ABCC4: variants seen among roughly 807,000 people sequenced by gnomAD.
The protein encoded by ABCC4 is ATP binding cassette subfamily C member 4 (PEL blood group), also known as ATP-binding cassette sub-family C member 4.
In ABCC4, 102 loss-of-function variants were observed where a neutral mutation model predicts 168.5. The ratio of observed to expected loss-of-function variants is 0.61; its 90% CI spans 0.52 to 0.71. The LOEUF is 0.71. ABCC4 is among the 30% of genes least tolerant of loss of function. ABCC4 has a pLI of 0.00. For missense variants in ABCC4, 1,402 were observed against 1,605.8 expected (o/e 0.87, Z 2.17); for synonymous variants, 617 against 590.7 (o/e 1.04, Z -0.65).
chr13:95,079,987 T>A (rs2034035214), intron 21 of ABCC4, among the ~76,000 whole-genome samples: 1 of 152,212 alleles, frequency 6.6e-6, no homozygotes, highest in Non-Finnish European at 1.5e-5. Flanking sequence ...GAGAGAATAA[T>A]CAGAGTTAAA....
intron 19 of ABCC4, among the ~76,000 whole-genome samples, chr13:95,149,539 G>A (rs1467319068): frequency 1.3e-5 from 2 of 151,358 alleles, no homozygotes; most frequent in Non-Finnish European, 2.9e-5. Flanking sequence ...ACACCAACAG[G>A]AGGAAAAAAA....
intron 30 of ABCC4, among the ~76,000 whole-genome samples, chr13:95,029,213 T>TAGAG (rs1193218745): frequency 8.1e-5 from 3 of 36,892 alleles, no homozygotes; most frequent in African/African-American, 3.1e-4. Flanking sequence ...TATATATATA[T>TAGAG]AGAGAGAGAG....
intron 20 of ABCC4, among the ~76,000 whole-genome samples, chr13:95,089,103 A>C (rs1055585996): frequency 6.6e-6 from 1 of 152,188 alleles, no homozygotes; most frequent in Non-Finnish European, 1.5e-5. Flanking sequence ...ATTTCTGGAA[A>C]AATGATGGGC....
chr13:95,270,231 AT>A (rs1162622800), intron 1 of ABCC4, among the ~76,000 whole-genome samples: 1 of 151,522 alleles, frequency 6.6e-6, no homozygotes, highest in Non-Finnish European at 1.5e-5. Flanking sequence ...TTTTGTTAGT[AT>A]TTTCTCTAAT....
At chr13:95,039,176 A>G (rs1317141427) in intron 29 of ABCC4, among the ~76,000 whole-genome samples, 1 of 152,196 alleles carries the variant, frequency 6.6e-6, no homozygotes, top group African/African-American at 2.4e-5. Flanking sequence ...ATACTTTTGA[A>G]TTTTGCAATG....
chr13:95,153,023 C>A (rs1319288926), intron 19 of ABCC4, among the ~76,000 whole-genome samples: 1 of 152,120 alleles, frequency 6.6e-6, no homozygotes, highest in Non-Finnish European at 1.5e-5. Context: ...CAGTAATATA[C>A]TTATCAATAT....
At chr13:95,201,928 G>T (rs1004337456) in intron 8 of ABCC4, among the ~76,000 whole-genome samples, 2 of 152,158 alleles carry the variant, frequency 1.3e-5, no homozygotes, top group Admixed American at 6.5e-5. Context: ...AGCTGAGATC[G>T]TGCCACTGCA....
chr13:95,157,982 G>A (rs796311285), intron 19 of ABCC4, among the ~76,000 whole-genome samples: 48 of 149,730 alleles, frequency 3.2e-4, no homozygotes, highest in African/African-American at 1.1e-3. Flanking sequence ...TGAGGCAAGA[G>A]AATGGCATGA....
chr13:95,276,175 G>A (rs2040965548), intron 1 of ABCC4, among the ~76,000 whole-genome samples: 1 of 152,054 alleles, frequency 6.6e-6, no homozygotes, highest in African/African-American at 2.4e-5. Flanking sequence ...CTGCTTTGAG[G>A]GGCCAAGGCA....
At chr13:95,299,504 C>A (rs1358627440) in intron 1 of ABCC4, among the ~76,000 whole-genome samples, 1 of 152,114 alleles carries the variant, frequency 6.6e-6, no homozygotes, top group Non-Finnish European at 1.5e-5. Context: ...GCTTGTCCAA[C>A]CTGAGGCCCA....
At chr13:95,205,982 A>T (rs2038767887) in intron 8 of ABCC4, among the ~76,000 whole-genome samples, 1 of 152,226 alleles carries the variant, frequency 6.6e-6, no homozygotes, top group Non-Finnish European at 1.5e-5. Context: ...AGTAAGAAAA[A>T]AGTGAAAAGC....
chr13:95,043,634 A>C (rs367835122), intron 29 of ABCC4, 48 bp downstream of exon 29: 1 of 1,466,754 alleles, frequency 6.8e-7, no homozygotes, highest in Non-Finnish European at 9.5e-7. Context: ...AAACTGAAAA[A>C]GTGAACATAA....
intron 1 of ABCC4, among the ~76,000 whole-genome samples, chr13:95,250,130 TC>T (rs2040216628): frequency 6.6e-6 from 1 of 152,198 alleles, no homozygotes; most frequent in Admixed American, 6.5e-5. Context: ...TCTTTGACCA[TC>T]TATGTAAGGA....
At chr13:95,160,121 C>T (rs1286446260) in intron 19 of ABCC4, among the ~76,000 whole-genome samples, 1 of 152,202 alleles carries the variant, frequency 6.6e-6, no homozygotes, top group African/African-American at 2.4e-5. Context: ...CTATAATCAG[C>T]TATAACAATT....
chr13:95,225,868 C>T (rs1409189086), intron 4 of ABCC4, among the ~76,000 whole-genome samples: 4 of 149,006 alleles, frequency 2.7e-5, no homozygotes, highest in Non-Finnish European at 5.9e-5. Context: ...GCGTGAGTGG[C>T]TCATGCCTGT....
intron 23 of ABCC4, among the ~76,000 whole-genome samples, chr13:95,073,704 G>A (rs1295059388): frequency 1.3e-5 from 2 of 152,174 alleles, no homozygotes; most frequent in Non-Finnish European, 2.9e-5. Flanking sequence ...ATGCTTTTGA[G>A]ACTAAAATAC....
intron 30 of ABCC4, among the ~76,000 whole-genome samples, chr13:95,031,424 C>T (rs995741517): frequency 6.6e-6 from 1 of 152,210 alleles, no homozygotes; most frequent in Non-Finnish European, 1.5e-5. Context: ...CGGCCTCCCC[C>T]AGCAATCTAC....
chr13:95,177,779 T>A lies in ABCC4; in HGVS notation c.1655A>T (p.Asp552Val). The change falls in exon 13 of 31, where the codon GAT becomes GTT. Residue 552 changes from aspartate (D) to valine (V), a missense_variant. Around this residue, in one of 3 missense-constraint regions of ABCC4, gnomAD observed 1,007 missense variants for 1,127.3 expected, o/e 0.89. Transcript: ENST00000645237. Reference sequence around the variant, plus strand: ...ATCGTCCAGGAGATAGATGTCAGCATCTTGATACACTGCTCTAGAAAATAC... The same window carrying A: ...ATCGTCCAGGAGATAGATGTCAGCAACTTGATACACTGCTCTAGAAAATAC... ...RVNLARAVYQ[D>V]ADIYLLDDPL... 6.2e-7 allele frequency: 1 copy of A among 1,611,016 alleles called. No homozygotes were observed. The highest frequency in any genetic ancestry group is 8.5e-7 in the Non-Finnish European group (1 of 1,177,464).
chr13:95,156,099 G>A (rs1434342388), intron 19 of ABCC4, among the ~76,000 whole-genome samples: 1 of 152,174 alleles, frequency 6.6e-6, no homozygotes, highest in Non-Finnish European at 1.5e-5. Flanking sequence ...AACCACTCAA[G>A]ATGTCAGCGT....
Sources: gnomAD v4.1 joint callset for allele counts (sites outside exome capture counted in the v4.1 genomes callset) on GRCh38, gnomAD v4.1.1 for gene constraint, gnomAD v4.1.1 regional missense constraint, MANE v1.5 for transcripts, NCBI Gene and HGNC (gene_info 2026-07-23, HGNC 2026-07-21) for gene names.